The following ANO2 variants were observed in gnomAD, a reference collection of about 807,000 sequenced individuals.
ANO2 encodes anoctamin-2.
A neutral mutation model predicts 124.2 loss-of-function variants in ANO2; 101 were observed. The ratio of observed to expected loss-of-function variants is 0.81; its 90% CI spans 0.69 to 0.96. The LOEUF is 0.96. Ranked by LOEUF, ANO2 falls within the 40% of genes least tolerant of loss-of-function variation. The pLI is 0.00. For missense variants in ANO2, 1,293 were observed against 1,274.5 expected (o/e 1.01, Z -0.22); for synonymous variants, 486 against 482.5 (o/e 1.01, Z -0.09).
intron 3 of ANO2, among the ~76,000 whole-genome samples, chr12:5,915,279 C>T (rs1436110458): frequency 2.6e-5 from 4 of 152,050 alleles, no homozygotes; most frequent in African/African-American, 9.7e-5. Context: ...TATCAAATGA[C>T]ATATAAAGAC....
intron 3 of ANO2, among the ~76,000 whole-genome samples, chr12:5,914,214 G>GA (rs869129092): frequency 1.6e-5 from 2 of 123,388 alleles, no homozygotes; most frequent in Non-Finnish European, 3.6e-5. Context: ...AAGAAAAAAA[G>GA]AAAAAAGAAA....
intron 1 of ANO2, among the ~76,000 whole-genome samples, chr12:5,935,114 CCT>C (rs527259049): frequency 1.4e-3 from 216 of 152,242 alleles, no homozygotes; most frequent in Non-Finnish European, 2.4e-3. Context: ...TCAGAAAATG[CCT>C]CTGTTACAGC....
At chr12:5,855,798 T>C (rs1591703242) in intron 3 of ANO2, among the ~76,000 whole-genome samples, 1 of 152,180 alleles carries the variant, frequency 6.6e-6, no homozygotes, top group Non-Finnish European at 1.5e-5. Flanking sequence ...GCAATAAAGA[T>C]AGTGTTCAGA....
At chr12:5,648,056 A>G (rs1442628377) in intron 14 of ANO2, among the ~76,000 whole-genome samples, 1 of 152,210 alleles carries the variant, frequency 6.6e-6, no homozygotes, top group African/African-American at 2.4e-5. Flanking sequence ...CTGAATTTCT[A>G]GTTCAACCAC....
intron 16 of ANO2, among the ~76,000 whole-genome samples, chr12:5,629,120 T>C (rs1226619467): frequency 2.6e-5 from 4 of 152,100 alleles, no homozygotes; most frequent in Admixed American, 1.3e-4. Context: ...GCAACTACAA[T>C]GAACCCAACC....
At position 5,575,854 on chromosome 12, in the gene ANO2, G is replaced by C. The variant is rs189268715; in HGVS notation, c.2601C>G (p.Asp867Glu). The C allele has an allele frequency of 8.7e-6, 14 of 1,613,846 alleles. No homozygotes were observed. The East Asian group carries it at 2.9e-4, about 33-fold the overall frequency. Reference sequence around the variant, plus strand: ...TTTACCTGCAGAACTGAACCTCCTGGTCAAACTGTGAGTTTTCTGGCTGCG... The same window carrying C: ...TTTACCTGCAGAACTGAACCTCCTGCTCAAACTGTGAGTTTTCTGGCTGCG... ...EGTQPENSQF[D>E]QEVQFCRFKD... The change falls in exon 23 of 25, where the codon GAC becomes GAG. Residue 867 changes from aspartate (D) to glutamate (E), a missense_variant. Asp to Glu is a conservative substitution (Grantham distance 45). Coordinates refer to ENST00000682330, the MANE Select transcript of ANO2 (RefSeq NM_001364791.2).
intron 20 of ANO2, among the ~76,000 whole-genome samples, chr12:5,591,232 C>T (rs979904023): frequency 7.2e-5 from 11 of 152,170 alleles, no homozygotes; most frequent in African/African-American, 2.7e-4. Context: ...GGGAAAATCA[C>T]AGAGTGATTG....
rs144955520 is a variant in ANO2 at position 5,580,767 on chromosome 12, C to G, written c.2234-2249G>C. Among the ~76,000 whole-genome samples the G allele has an allele frequency of 1.6e-3, 244 of 152,344 alleles. 1 individual carries two copies. The highest frequency in any genetic ancestry group is 4.7e-3 in the African/African-American group (197 of 41,586). ...CAACTGCTTTTGATTTGGCAGTTTG[C>G]TCAGCCCACAGTTGTGGGTCACTGT... On this transcript the variant is annotated intron_variant, in intron 20 of 24. Transcript: ENST00000682330.
At chr12:5,796,228 AAC>A (rs920442658) in intron 10 of ANO2, among the ~76,000 whole-genome samples, 3 of 150,268 alleles carry the variant, frequency 2.0e-5, no homozygotes, top group East Asian at 2.0e-4. Flanking sequence ...GACACACATG[AAC>A]ACACTCATAC....
chr12:5,916,095 G>A (rs575269739), intron 3 of ANO2, among the ~76,000 whole-genome samples: 1 of 152,110 alleles, frequency 6.6e-6, no homozygotes, highest in East Asian at 1.9e-4. Flanking sequence ...TGGGCAACAT[G>A]GTGAAGCCCC....
At chr12:5,707,986 T>C (rs1036465630) in intron 14 of ANO2, among the ~76,000 whole-genome samples, 4 of 152,194 alleles carry the variant, frequency 2.6e-5, no homozygotes, top group African/African-American at 9.7e-5. Flanking sequence ...AAATGACTTC[T>C]CCACATGGAT....
intron 3 of ANO2, among the ~76,000 whole-genome samples, chr12:5,866,496 T>C (rs945679646): frequency 6.6e-6 from 1 of 152,200 alleles, no homozygotes; most frequent in Non-Finnish European, 1.5e-5. Flanking sequence ...TTCTCACTGA[T>C]ATAAGAAACT....
At chr12:5,579,482 A>G (rs1460900331) in intron 20 of ANO2, among the ~76,000 whole-genome samples, 1 of 152,184 alleles carries the variant, frequency 6.6e-6, no homozygotes, top group African/African-American at 2.4e-5. Context: ...GAGCAAAAGC[A>G]TGGTGGCACA....
intron 16 of ANO2, among the ~76,000 whole-genome samples, chr12:5,623,855 G>A (rs891661149): frequency 6.6e-6 from 1 of 152,230 alleles, no homozygotes; most frequent in Non-Finnish European, 1.5e-5. Context: ...ACAACCAACT[G>A]GGCTGCCCTT....
At chr12:5,570,283 T>C (rs79845647) in intron 23 of ANO2, among the ~76,000 whole-genome samples, 15,711 of 152,180 alleles carry the variant, frequency 0.1, 1,038 homozygotes, top group Middle Eastern at 0.17. Context: ...TGTTAATGCA[T>C]AGAAAAATGC....
chr12:5,603,716 C>A (rs553276074), intron 19 of ANO2, among the ~76,000 whole-genome samples: 2 of 152,066 alleles, frequency 1.3e-5, no homozygotes, highest in African/African-American at 4.8e-5. Flanking sequence ...GAAGCCGAGG[C>A]GGGCAGATCA....
At chr12:5,581,698 C>A (rs1942765818) in intron 20 of ANO2, among the ~76,000 whole-genome samples, 2 of 152,162 alleles carry the variant, frequency 1.3e-5, no homozygotes, top group Non-Finnish European at 2.9e-5. Context: ...CCTCCTTCCC[C>A]TCGCCATGTA....
chr12:5,639,865 A>G (rs1308488900), intron 15 of ANO2, among the ~76,000 whole-genome samples: 1 of 152,138 alleles, frequency 6.6e-6, no homozygotes, highest in Non-Finnish European at 1.5e-5. Flanking sequence ...AGATCAGTGA[A>G]GGGGCTATGA....
chr12:5,808,747 T>G (rs146283431), intron 7 of ANO2, among the ~76,000 whole-genome samples: 2 of 152,316 alleles, frequency 1.3e-5, no homozygotes, highest in African/African-American at 4.8e-5. Context: ...CAACATTTAC[T>G]CATTAAAATT....
Sources: allele counts gnomAD v4.1 joint callset (sites outside exome capture counted in the v4.1 genomes callset), GRCh38; gene constraint gnomAD v4.1.1; transcripts MANE v1.5; gene names NCBI Gene and HGNC (gene_info 2026-07-23, HGNC 2026-07-21).